Variants in IMMP2L observed in about 807,000 individuals in gnomAD.
The protein encoded by IMMP2L is mitochondrial inner membrane protease subunit 2.
Under a neutral mutation model 19.3 loss-of-function variants are expected in IMMP2L, and 18 were observed. The ratio of observed to expected loss-of-function variants is 0.93; its 90% CI spans 0.64 to 1.38. The LOEUF (loss-of-function observed/expected upper bound fraction) is 1.38. Among genes scored for constraint, IMMP2L ranks in the 40% most tolerant of loss-of-function variants. The pLI, the probability that IMMP2L is intolerant of heterozygous loss-of-function variation, is 0.00. For missense variants in IMMP2L, 233 were observed against 218.2 expected (o/e 1.07, Z -0.43); for synonymous variants, 76 against 73.0 (o/e 1.04, Z -0.21).
At chr7:111,561,107 G>A (rs1413705428) in intron 1 of IMMP2L, among the ~76,000 whole-genome samples, 1 of 152,168 alleles carries the variant, frequency 6.6e-6, no homozygotes, top group East Asian at 1.9e-4. Flanking sequence ...TCACCATACA[G>A]GGGAGAGGGA....
chr7:111,391,953 G>A (rs1349842495), intron 3 of IMMP2L: 1 of 703,024 alleles, frequency 1.4e-6, no homozygotes, highest in East Asian at 2.7e-5. Flanking sequence ...TTCAATCTTA[G>A]GCTAACTCTT....
intron 3 of IMMP2L, among the ~76,000 whole-genome samples, chr7:111,145,027 G>A (rs1410351570): frequency 6.6e-6 from 1 of 152,056 alleles, no homozygotes; most frequent in African/African-American, 2.4e-5. Context: ...AAAGAAGGAG[G>A]AAGAACCTTC....
intron 5 of IMMP2L, among the ~76,000 whole-genome samples, chr7:110,814,166 T>G (rs547492647): frequency 2.0e-5 from 3 of 151,982 alleles, no homozygotes; most frequent in African/African-American, 7.2e-5. Context: ...TCTAAACGCA[T>G]AGTCAAGCAA....
chr7:111,533,174 T>C (rs1430866576), intron 1 of IMMP2L, among the ~76,000 whole-genome samples: 1 of 152,172 alleles, frequency 6.6e-6, no homozygotes, highest in Admixed American at 6.5e-5. Context: ...AGCACAGCAT[T>C]ACCCAGACTC....
At chr7:110,824,385 C>T (rs573415113) in intron 5 of IMMP2L, among the ~76,000 whole-genome samples, 5 of 152,170 alleles carry the variant, frequency 3.3e-5, no homozygotes, top group African/African-American at 7.2e-5. Context: ...TAATACTTAA[C>T]GTATATTAGA....
rs887973372 is a variant in IMMP2L at position 110,877,312 on chromosome 7, T to C, written c.408+9281A>G. Among the ~76,000 whole-genome samples the C allele has an allele frequency of 2.6e-5, 4 of 152,164 alleles. No homozygotes were observed. The highest frequency in any genetic ancestry group is 4.4e-5 in the Non-Finnish European group (3 of 68,030). Reference sequence around the variant, plus strand: ...GGATACAAGGATGAGTTAGCTCCCATAGTTGCCTTGGCAAAGTTCACAGTC... The same window carrying C: ...GGATACAAGGATGAGTTAGCTCCCACAGTTGCCTTGGCAAAGTTCACAGTC... On this transcript the variant is annotated intron_variant, in intron 5 of 5. Coordinates refer to ENST00000405709, the MANE Select transcript of IMMP2L (RefSeq NM_032549.4). This position sits in a 1 kb window ranked among gnomAD's most constrained non-coding sequence, Gnocchi z 4.0.
intron 1 of IMMP2L, among the ~76,000 whole-genome samples, chr7:111,530,153 A>G (rs188237037): frequency 1.2e-4 from 19 of 152,296 alleles, no homozygotes; most frequent in Admixed American, 1.0e-3. Flanking sequence ...ACTTTATCTC[A>G]GTAAGCAAAA....
intron 3 of IMMP2L, among the ~76,000 whole-genome samples, chr7:111,287,034 G>A (rs926629214): frequency 6.6e-6 from 1 of 152,110 alleles, no homozygotes; most frequent in African/African-American, 2.4e-5. Context: ...TGCTCCATGG[G>A]GTTGTTACTA....
At chr7:111,187,827 T>C (rs1048511593) in intron 3 of IMMP2L, among the ~76,000 whole-genome samples, 1 of 152,154 alleles carries the variant, frequency 6.6e-6, no homozygotes, top group Admixed American at 6.5e-5. Context: ...TATGTATTAA[T>C]TGTAGATTTG....
chr7:111,177,166 C>T (rs541026861), intron 3 of IMMP2L, among the ~76,000 whole-genome samples: 45 of 152,056 alleles, frequency 3.0e-4, no homozygotes, highest in South Asian at 6.2e-4. Context: ...CAATGCCCTG[C>T]TTTTATTTTT....
chr7:110,730,159 G>A (rs1264179729), intron 5 of IMMP2L, among the ~76,000 whole-genome samples: 1 of 152,100 alleles, frequency 6.6e-6, no homozygotes, highest in Admixed American at 6.5e-5. Flanking sequence ...GCAAATTATT[G>A]TTCCTGGGTG....
intron 3 of IMMP2L, among the ~76,000 whole-genome samples, chr7:111,104,126 T>C (rs1277580376): frequency 2.0e-5 from 3 of 151,742 alleles, no homozygotes; most frequent in Non-Finnish European, 4.4e-5. Flanking sequence ...GGCAACTTTT[T>C]TGAAAGGCAA....
At chr7:111,486,321 AGAT>A (rs2132262512) in intron 3 of IMMP2L, among the ~76,000 whole-genome samples, 1 of 152,330 alleles carries the variant, frequency 6.6e-6, no homozygotes, top group East Asian at 1.9e-4. Context: ...ACAAATAAGC[AGAT>A]GATGTCTTGC....
At chr7:111,451,286 A>G (rs1839140577) in intron 3 of IMMP2L, among the ~76,000 whole-genome samples, 1 of 150,520 alleles carries the variant, frequency 6.6e-6, no homozygotes, top group South Asian at 2.1e-4. Context: ...GGCATTATTC[A>G]CAATAGCAAA....
chr7:110,772,903 A>C (rs1799129529), intron 5 of IMMP2L, among the ~76,000 whole-genome samples: 1 of 152,154 alleles, frequency 6.6e-6, no homozygotes, highest in Non-Finnish European at 1.5e-5. Context: ...AACTGTGCAA[A>C]GGAACACTCC....
chr7:111,027,229 T>C (rs908876044), intron 3 of IMMP2L, among the ~76,000 whole-genome samples: 4 of 152,150 alleles, frequency 2.6e-5, no homozygotes, highest in African/African-American at 9.6e-5. Context: ...CAATATTGTA[T>C]ATCACTGGTA....
intron 3 of IMMP2L, among the ~76,000 whole-genome samples, chr7:111,186,531 C>G (rs920096958): frequency 8.5e-5 from 13 of 152,124 alleles, no homozygotes; most frequent in South Asian, 4.2e-4. Context: ...AGGGTTCCAG[C>G]GATTCTCCTG....
At chr7:110,967,833 A>G (rs1307333236) in intron 3 of IMMP2L, among the ~76,000 whole-genome samples, 1 of 152,122 alleles carries the variant, frequency 6.6e-6, no homozygotes, top group Admixed American at 6.6e-5. Flanking sequence ...GTAGAACGAA[A>G]AGTCCACTCA....
At chr7:111,082,253 T>C (rs1795944781) in intron 3 of IMMP2L, among the ~76,000 whole-genome samples, 1 of 152,184 alleles carries the variant, frequency 6.6e-6, no homozygotes, top group Non-Finnish European at 1.5e-5. Context: ...GTCACACTTC[T>C]CAGTGAGACC....
Sources: gnomAD v4.1 joint callset for allele counts (sites outside exome capture counted in the v4.1 genomes callset) on GRCh38, gnomAD v4.1.1 for gene constraint, Gnocchi (gnomAD v3.1) non-coding constraint, MANE v1.5 for transcripts, NCBI Gene and HGNC (gene_info 2026-07-23, HGNC 2026-07-21) for gene names.